Variants in USP9Y observed in about 807,000 individuals in gnomAD.
USP9Y encodes ubiquitin carboxyl-terminal hydrolase 9Y.
Under a neutral mutation model 53.1 loss-of-function variants are expected in USP9Y, and 41 were observed. The observed-to-expected ratio is 0.77, with a 90% CI of 0.60 to 1.00. The LOEUF is 1.00. Ranked by LOEUF, USP9Y falls within the 50% of genes least tolerant of loss-of-function variation. The pLI is 0.00. For missense variants in USP9Y, 567 were observed against 535.8 expected (o/e 1.06, Z -0.58); for synonymous variants, 220 against 173.7 (o/e 1.27, Z -2.09).
At chrY:12,708,421 G>C (rs2053421350) in intron 1 of USP9Y, among the ~76,000 whole-genome samples, 2 of 33,408 alleles carry the variant, frequency 6.0e-5, no homozygotes, top group Non-Finnish European at 1.5e-4. Flanking sequence ...AAGTGGAAAC[G>C]TGAGCTCACT....
intron 5 of USP9Y, among the ~76,000 whole-genome samples, chrY:12,723,545 T>C: frequency 1.7e-4 from 5 of 29,909 alleles, no homozygotes. Context: ...CCCACCACCA[T>C]GCCTGGCTAA....
At chrY:12,846,614 A>G (rs2053566734) in intron 40 of USP9Y, 96 bp downstream of exon 40, 1 of 248,370 alleles carries the variant, frequency 4.0e-6, no homozygotes, top group African/African-American at 7.6e-5. Context: ...ATTTATAAAA[A>G]TGAAATTAGT....
At chrY:12,811,015 C>A (rs754898131) in intron 29 of USP9Y, among the ~76,000 whole-genome samples, 197 bp downstream of exon 29, 1 of 33,874 alleles carries the variant, frequency 3.0e-5, no homozygotes, top group East Asian at 7.7e-4. Context: ...TTCATAGAAA[C>A]AAACATAGCT....
At position 12,776,871 on chromosome Y, in the gene USP9Y, A is replaced by G; in HGVS notation, c.2639+11A>G. Reference sequence around the variant, plus strand: ...TCTACCTATGTCGAGGTTTGTGTGAAGTTGATCTCTAGTGTTAATTTACAA... The same window carrying G: ...TCTACCTATGTCGAGGTTTGTGTGAGGTTGATCTCTAGTGTTAATTTACAA... On this transcript the variant is annotated intron_variant, in intron 19 of 45. Transcript: ENST00000338981. The G allele has an allele frequency of 2.7e-6, 1 of 367,180 alleles. No homozygotes were observed. The highest frequency in any genetic ancestry group is 3.9e-6 in the Non-Finnish European group (1 of 254,734). The allele number at this position is 367,180 out of a possible 400,897, so 91.6% of individuals were successfully genotyped here.
intron 3 of USP9Y, among the ~76,000 whole-genome samples, chrY:12,712,416 T>A (rs2053425791): frequency 3.0e-5 from 1 of 33,732 alleles, no homozygotes; most frequent in African/African-American, 1.2e-4. Flanking sequence ...ACATATATAA[T>A]GTTGTTGTTT....
At chrY:12,811,559 T>A in intron 29 of USP9Y, 76 bp from the exon 30 acceptor site, 1 of 336,386 alleles carries the variant, frequency 3.0e-6, no homozygotes, top group Non-Finnish European at 4.4e-6. Flanking sequence ...TCCTTCCAGC[T>A]CTCTGTTCTC....
intron 18 of USP9Y, among the ~76,000 whole-genome samples, chrY:12,776,010 T>G: frequency 1.2e-4 from 4 of 32,103 alleles, no homozygotes; most frequent in African/African-American, 3.7e-4. Flanking sequence ...TTCATTCTTC[T>G]TGTTAGAGAT....
intron 7 of USP9Y, among the ~76,000 whole-genome samples, chrY:12,733,852 C>T: frequency 3.0e-5 from 1 of 32,948 alleles, no homozygotes; most frequent in Non-Finnish European, 7.5e-5. Context: ...CACTTATATT[C>T]CCCAGTCTTT....
chrY:12,752,670 A>C (rs1603197752), intron 12 of USP9Y, among the ~76,000 whole-genome samples: 1 of 32,926 alleles, frequency 3.0e-5, no homozygotes, highest in South Asian at 6.9e-4. Context: ...TCATGGTAAG[A>C]AAACTATCAG....
intron 33 of USP9Y, among the ~76,000 whole-genome samples, chrY:12,823,931 G>A: frequency 3.1e-5 from 1 of 31,992 alleles, no homozygotes. Context: ...CAAAAGTTTT[G>A]GCAGAAAGGT....
In USP9Y at chrY:12,739,618, G is replaced by T; in HGVS notation, c.1411G>T (p.Asp471Tyr). The T allele has an allele frequency of 3.9e-5, 15 of 388,016 alleles. No individual in the cohort carries two copies. Among genetic ancestry groups the T allele is most frequent in the Non-Finnish European group, 5.5e-5 (15 of 274,511 alleles). The change falls in exon 12 of 46, where the codon GAT becomes TAT. Residue 471 changes from aspartate (D) to tyrosine (Y), a missense_variant. By Grantham distance (160) the Asp-to-Tyr change is radical. Transcript: ENST00000338981. ...TCCTGGACAACTTGATCATCTTTTT[G>T]ATTGCTTTAAGGTAGTAGCTTGAAT... is the stretch of plus-strand genomic sequence containing the variant. ...FSPGQLDHLF[D>Y]CFKASWTNAS...
Position 12,726,789 on chromosome Y carries a change from C to G in USP9Y, c.653C>G (p.Pro218Arg). Residue 218 changes from proline to arginine, a missense_variant, in exon 7 of 46, where the codon CCA (proline) becomes CGA (arginine). Transcript: ENST00000338981. Reference sequence around the variant, plus strand: ...GCTCGTTCTTCAGATCCTCGATCACCAAAAGTGCGTTGGTTTGTTATTTTC... The same window carrying G: ...GCTCGTTCTTCAGATCCTCGATCACGAAAAGTGCGTTGGTTTGTTATTTTC... Reference protein sequence around the residue: ...LFARSSDPRSPKGWLVDLINK... With the variant: ...LFARSSDPRSRKGWLVDLINK... The G allele has an allele frequency of 2.5e-6, 1 of 394,614 alleles. No homozygotes were observed. Among genetic ancestry groups the G allele is most frequent in the Non-Finnish European group, 3.6e-6 (1 of 279,686 alleles).
In USP9Y at chrY:12,859,571, A is replaced by G; in HGVS notation, c.*155A>G. The stretch of plus-strand genomic sequence containing the variant: ...ACTGGTTTATTTGCAGTAATTTGCA[A>G]TTTGTCAGTGTATAAGACACATGCA... On this transcript the variant is annotated 3_prime_UTR_variant, in exon 46 of 46. Transcript: ENST00000338981. 2.3e-5 allele frequency: 4 copies of G among 174,527 alleles called. No individual in the cohort carries two copies. Among genetic ancestry groups the G allele is most frequent in the Non-Finnish European group, 4.1e-5 (4 of 97,547 alleles). 43.5% of individuals were successfully genotyped at this position (174,527 alleles called of 400,897 possible).
intron 15 of USP9Y, among the ~76,000 whole-genome samples, chrY:12,763,254 T>A: frequency 3.0e-5 from 1 of 33,251 alleles, no homozygotes; most frequent in Admixed American, 2.8e-4. Context: ...TGAGTACCCT[T>A]GTCTCACTAC....
intron 1 of USP9Y, among the ~76,000 whole-genome samples, chrY:12,704,282 G>T (rs2053418201): frequency 3.0e-5 from 1 of 33,025 alleles, no homozygotes; most frequent in Non-Finnish European, 7.5e-5. Context: ...TTGGTGATAG[G>T]GTATATTACA....
intron 6 of USP9Y, 57 bp downstream of exon 6, chrY:12,725,282 T>C: frequency 3.7e-6 from 1 of 271,245 alleles, no homozygotes; most frequent in Non-Finnish European, 5.9e-6. Context: ...CCTGTGGATT[T>C]GTTTTTGAAA....
rs1309546586 is a variant in USP9Y, at chrY:12,786,571, C to T, written c.3332C>T (p.Ser1111Phe). Residue 1111 changes from serine (S) to phenylalanine (F), a missense_variant, in exon 24 of 46, where the codon TCC becomes TTC. By Grantham distance (155) the Ser-to-Phe change is radical. Transcript: ENST00000338981. ...GCTGGTGTGCCTCTAACTGATGGGT[C>T]CTCTGACTTTCAAGTTCACTTCTTG... ...MPAGVPLTDGSSDFQVHFLKS... is the reference protein window; with the variant it reads ...MPAGVPLTDGFSDFQVHFLKS... 2 of 394,257 alleles carry T rather than the reference C, an allele frequency of 5.1e-6. No individual in the cohort carries two copies. Among genetic ancestry groups the T allele is most frequent in the Non-Finnish European group, 7.1e-6 (2 of 282,116 alleles).
chrY:12,818,690 T>C, intron 33 of USP9Y, 80 bp downstream of exon 33: 2 of 228,760 alleles, frequency 8.7e-6, no homozygotes, highest in Non-Finnish European at 1.5e-5. Context: ...TTAGAATACA[T>C]AATTAGTTTT....
In USP9Y at chrY:12,726,772, T is replaced by C; in HGVS notation, c.636T>C (p.Ser212=). 2.5e-6 allele frequency: 1 copy of C among 398,345 alleles called. No homozygotes were observed. Among genetic ancestry groups the C allele is most frequent in the Non-Finnish European group, 3.5e-6 (1 of 282,861 alleles). The change falls in exon 7 of 46, where the codon TCT becomes TCC. Residue 212 remains serine (S), a synonymous_variant. Transcript: ENST00000338981. ...CTGAAGATGAATTATTTGCTCGTTC[T>C]TCAGATCCTCGATCACCAAAAGTGC... ...QLPEDELFAR[S]SDPRSPKGWL...
Sources: gnomAD v4.1 joint callset for allele counts (sites outside exome capture counted in the v4.1 genomes callset) on GRCh38, gnomAD v4.1.1 for gene constraint, MANE v1.5 for transcripts, NCBI Gene and HGNC (gene_info 2026-07-23, HGNC 2026-07-21) for gene names.